Variants in GRM7 observed in about 807,000 individuals in gnomAD.
GRM7 encodes the protein metabotropic glutamate receptor 7.
In GRM7, 35 loss-of-function variants were observed where a neutral mutation model predicts 84.5. The ratio of observed to expected loss-of-function variants is 0.41; its 90% confidence interval spans 0.32 to 0.55. The LOEUF is 0.55. GRM7 is among the 20% of genes least tolerant of loss of function. GRM7 has a pLI of 0.19. For missense variants in GRM7, 1,003 were observed against 1,194.6 expected (o/e 0.84, Z 2.36); for synonymous variants, 487 against 455.1 (o/e 1.07, Z -0.89).
chr3:7,317,347 G>A (rs1303465001), intron 4 of GRM7, among the ~76,000 whole-genome samples: 1 of 151,960 alleles, frequency 6.6e-6, no homozygotes, highest in Non-Finnish European at 1.5e-5. Flanking sequence ...CGAAGAATAG[G>A]CCATTGTAAG....
At chr3:7,397,123 GGAAA>G (rs1453779878) in intron 4 of GRM7, among the ~76,000 whole-genome samples, 5 of 152,100 alleles carry the variant, frequency 3.3e-5, no homozygotes, top group Non-Finnish European at 4.4e-5. Context: ...TGTTAATAAT[GGAAA>G]GAGTTTGAAA....
chr3:7,134,772 A>C (rs930261752), intron 1 of GRM7, among the ~76,000 whole-genome samples: 1 of 152,210 alleles, frequency 6.6e-6, no homozygotes, highest in Non-Finnish European at 1.5e-5. Flanking sequence ...GGGCACAAAC[A>C]GTGAGTATGA....
intron 9 of GRM7, among the ~76,000 whole-genome samples, chr3:7,728,907 C>G (rs927532153): frequency 5.3e-5 from 8 of 152,188 alleles, no homozygotes; most frequent in African/African-American, 1.9e-4. Context: ...TCCACTAACA[C>G]ATAGTGCTAA....
intron 8 of GRM7, among the ~76,000 whole-genome samples, chr3:7,629,904 G>A (rs1041727442): frequency 6.6e-6 from 1 of 152,104 alleles, no homozygotes; most frequent in Non-Finnish European, 1.5e-5. Context: ...AGAACAGATA[G>A]CTAATAAGTA....
At chr3:7,419,072 A>T (rs1454106908) in intron 5 of GRM7, among the ~76,000 whole-genome samples, 2 of 151,938 alleles carry the variant, frequency 1.3e-5, no homozygotes, top group Non-Finnish European at 2.9e-5. Context: ...CCTGTGAGGA[A>T]TTCATGAAGA....
chr3:7,204,111 A>G lies in GRM7; in HGVS notation c.736+57443A>G, dbSNP rs544418400. ...GGCATAGTATTGCTTCAGTTAAAAGAAAAAGTTCAGGTGTGGACCGAGGTC... is the reference window on the plus strand; with the variant it reads ...GGCATAGTATTGCTTCAGTTAAAAGGAAAAGTTCAGGTGTGGACCGAGGTC... On this transcript the variant is annotated intron_variant, in intron 2 of 9. Transcript: ENST00000357716. 2.0e-5 allele frequency among the ~76,000 whole-genome samples: 3 copies of G among 152,366 alleles called. No individual in the cohort carries two copies. In the South Asian group the frequency reaches 6.2e-4, roughly 32 times the overall value.
At chr3:7,616,458 T>G (rs1697083121) in intron 8 of GRM7, among the ~76,000 whole-genome samples, 1 of 152,260 alleles carries the variant, frequency 6.6e-6, no homozygotes, top group South Asian at 2.1e-4. Flanking sequence ...ATGGTTTCAC[T>G]CACTGCTCAA....
In GRM7 at chr3:7,103,806, CTTTCTT is replaced by C. The variant is rs1475910754; in HGVS notation, c.520-42644_520-42639del. 3.1e-4 allele frequency among the ~76,000 whole-genome samples: 33 copies of C among 108,088 alleles called. 3 individuals carry two copies. Among genetic ancestry groups the C allele is most frequent in the African/African-American group, 1.2e-3 (23 of 19,510 alleles). The allele number at this position is 108,088 out of a possible 152,430, so 70.9% of individuals were successfully genotyped here. On this transcript the variant is annotated intron_variant, in intron 1 of 9. Coordinates refer to ENST00000357716, the MANE Select transcript of GRM7 (RefSeq NM_000844.4). ...TCTTTCTTTCTTTCTTTCTTTCTTT[CTTTCTT>C]TCTTTCTCTCTCTCTCTGTCTCTCT...
At chr3:7,279,563 T>C (rs1699185482) in intron 2 of GRM7, among the ~76,000 whole-genome samples, 1 of 152,022 alleles carries the variant, frequency 6.6e-6, no homozygotes, top group African/African-American at 2.4e-5. Context: ...AATCCATGAG[T>C]AAGCAGAGGA....
At chr3:7,443,107 A>G (rs926780523) in intron 5 of GRM7, among the ~76,000 whole-genome samples, 7 of 150,108 alleles carry the variant, frequency 4.7e-5, no homozygotes, top group Admixed American at 2.0e-4. Flanking sequence ...TTTTATTTTC[A>G]TGAGCATCAT....
At chr3:6,892,237 A>C (rs183895108) in intron 1 of GRM7, among the ~76,000 whole-genome samples, 320 of 152,296 alleles carry the variant, frequency 2.1e-3, no homozygotes, top group African/African-American at 7.5e-3. Flanking sequence ...ATTAGAAATG[A>C]ATGATATGAG....
intron 2 of GRM7, among the ~76,000 whole-genome samples, chr3:7,292,785 C>T (rs1383265661): frequency 6.6e-6 from 1 of 150,940 alleles, no homozygotes; most frequent in Admixed American, 6.6e-5. Flanking sequence ...AATCCCAGCA[C>T]TTTTGGGAGG....
chr3:7,357,999 T>C (rs1430533831), intron 4 of GRM7, among the ~76,000 whole-genome samples: 2 of 152,098 alleles, frequency 1.3e-5, no homozygotes, highest in Non-Finnish European at 2.9e-5. Context: ...CATTATGACC[T>C]TGAATATAGA....
At chr3:7,283,755 C>G (rs923174896) in intron 2 of GRM7, among the ~76,000 whole-genome samples, 1 of 152,132 alleles carries the variant, frequency 6.6e-6, no homozygotes, top group Non-Finnish European at 1.5e-5. Flanking sequence ...CTTTGAAGTT[C>G]TACACATGGA....
chr3:7,047,108 A>G (rs1349413010), intron 1 of GRM7, among the ~76,000 whole-genome samples: 1 of 151,942 alleles, frequency 6.6e-6, no homozygotes, highest in Non-Finnish European at 1.5e-5. Flanking sequence ...AATTTAGTCT[A>G]TGAGTCAAAT....
intron 2 of GRM7, among the ~76,000 whole-genome samples, chr3:7,280,831 A>G (rs1699229515): frequency 6.6e-6 from 1 of 152,160 alleles, no homozygotes. Flanking sequence ...TTATTCTGTA[A>G]TTTCTATCTC....
intron 8 of GRM7, among the ~76,000 whole-genome samples, chr3:7,592,539 AG>A (rs1695844448): frequency 6.6e-6 from 1 of 152,204 alleles, no homozygotes; most frequent in Non-Finnish European, 1.5e-5. Context: ...GCAGGGCACC[AG>A]CGCATGCAGA....
intron 7 of GRM7, among the ~76,000 whole-genome samples, chr3:7,483,090 A>G (rs1647726502): frequency 6.6e-6 from 1 of 152,190 alleles, no homozygotes; most frequent in African/African-American, 2.4e-5. Context: ...AGCATATCCA[A>G]TGAGTCATCC....
At chr3:7,373,367 T>C (rs1694217047) in intron 4 of GRM7, among the ~76,000 whole-genome samples, 1 of 152,210 alleles carries the variant, frequency 6.6e-6, no homozygotes, top group Non-Finnish European at 1.5e-5. Context: ...AATTTTATTT[T>C]ATTTTATTTC....
Sources: allele counts gnomAD v4.1 joint callset (sites outside exome capture counted in the v4.1 genomes callset), GRCh38; gene constraint gnomAD v4.1.1; transcripts MANE v1.5; gene names NCBI Gene and HGNC (gene_info 2026-07-23, HGNC 2026-07-21).